SRP19: variants seen among roughly 807,000 people sequenced by gnomAD.
SRP19 encodes signal recognition particle 19 kDa protein.
SRP19 carries 11 observed loss-of-function variants against 22.4 expected under a neutral mutation model. The ratio of observed to expected loss-of-function variants is 0.49; its 90% CI spans 0.31 to 0.81. The LOEUF is 0.81. Among genes scored for constraint, SRP19 ranks in the 40% least tolerant of loss-of-function variants. The pLI is 0.05. For synonymous variants in SRP19, 61 were observed against 57.6 expected (o/e 1.06, Z -0.27); for missense variants, 168 against 175.9 (o/e 0.96, Z 0.25).
At position 112,888,896 on chromosome 5, in the gene SRP19, G is replaced by C. The variant is rs763045957; in HGVS notation, c.302-2707G>C. ...GCTCCCATAATTCTCATGTGTTGTG[G>C]AAAGGACAGGGTGAGAGATAACTGA... On this transcript the variant is annotated intron_variant, in intron 4 of 4. Coordinates refer to the SRP19 transcript ENST00000391338. 2.0e-5 allele frequency among the ~76,000 whole-genome samples: 3 copies of C among 150,744 alleles called. 1 individual carries two copies. The highest frequency in any genetic ancestry group is 4.4e-5 in the Non-Finnish European group (3 of 68,024).
At chr5:112,879,612 T>C (rs1311910317) in intron 4 of SRP19, among the ~76,000 whole-genome samples, 1 of 152,152 alleles carries the variant, frequency 6.6e-6, no homozygotes, top group Non-Finnish European at 1.5e-5. Context: ...TAGCTGGGAC[T>C]ACATGCACTC....
At chr5:112,873,838 T>A (rs1359020409), downstream of SRP19, among the ~76,000 whole-genome samples, 2 of 152,124 alleles carry the variant, frequency 1.3e-5, no homozygotes, top group African/African-American at 2.4e-5. Flanking sequence ...GTTGCTGGTT[T>A]TTAAGATAGA....
At chr5:112,888,798 AT>A (rs1768342674) in intron 4 of SRP19, among the ~76,000 whole-genome samples, 1 of 150,804 alleles carries the variant, frequency 6.6e-6, no homozygotes, top group Non-Finnish European at 1.5e-5. Context: ...AGGTGCAAGG[AT>A]TGCTTGGGCC....
chr5:112,893,031 G>C (rs539295887), exon 5 of SRP19: 4 of 1,504,090 alleles, frequency 2.7e-6, no homozygotes, highest in Non-Finnish European at 3.7e-6. Flanking sequence ...GTGGGAGGAG[G>C]AAGTCGGGTA....
Position 112,880,650 on chromosome 5 carries a change from CTT to C in SRP19, c.302-10952_302-10951del. On this transcript the variant is annotated intron_variant, in intron 4 of 4. Coordinates refer to the SRP19 transcript ENST00000391338. Reference sequence around the variant, plus strand: ...GTGGCAGCATGTAAATTCCTCCTAACTTATTTTAATTCTCTTGCCCCTATTTA... The same window carrying C: ...GTGGCAGCATGTAAATTCCTCCTAACATTTTAATTCTCTTGCCCCTATTTA... Among the ~76,000 whole-genome samples the C allele has an allele frequency of 2.0e-5, 3 of 152,288 alleles. No homozygotes were observed. In the South Asian group the frequency reaches 6.2e-4, roughly 32 times the overall value.
chr5:112,861,436 G>A lies in SRP19; in HGVS notation c.41+19G>A. 5.0e-6 allele frequency: 8 copies of A among 1,610,670 alleles called. No homozygotes were observed. The highest frequency in any genetic ancestry group is 6.8e-6 in the Non-Finnish European group (8 of 1,178,252). ...AGGACAGGTGGGTTCTGAGGCGGTG[G>A]GTCCTCCGAAAGGAAGGGGCTTGCT... is the stretch of plus-strand genomic sequence containing the variant. On this transcript the variant is annotated intron_variant, in intron 1 of 4. Transcript: ENST00000505459.
intron 4 of SRP19, among the ~76,000 whole-genome samples, chr5:112,883,379 A>G (rs568615759): frequency 1.3e-5 from 2 of 152,326 alleles, no homozygotes; most frequent in South Asian, 2.1e-4. Context: ...TGACCTGTTG[A>G]CAGCATGTAA....
At chr5:112,877,618 G>C (rs1056960211) in intron 4 of SRP19, 11 of 152,074 alleles carry the variant, frequency 7.2e-5, no homozygotes, top group Admixed American at 7.2e-4. Flanking sequence ...GACCTTAAAG[G>C]CCAGAGAAAA....
chr5:112,883,450 C>T (rs1191792148), intron 4 of SRP19, among the ~76,000 whole-genome samples: 1 of 152,122 alleles, frequency 6.6e-6, no homozygotes, highest in African/African-American at 2.4e-5. Context: ...CCAGGGATAC[C>T]ACACGCTCAT....
chr5:112,870,293 C>G (rs1217698060), downstream of SRP19, among the ~76,000 whole-genome samples: 1 of 151,992 alleles, frequency 6.6e-6, no homozygotes, highest in East Asian at 1.9e-4. Flanking sequence ...TCGGGACCAA[C>G]CTGGGCAACA....
At chr5:112,884,797 A>G (rs930892631) in intron 4 of SRP19, among the ~76,000 whole-genome samples, 1 of 148,750 alleles carries the variant, frequency 6.7e-6, no homozygotes, top group Non-Finnish European at 1.5e-5. Flanking sequence ...CCATCTTTCT[A>G]CTTGCTTTAT....
At chr5:112,878,848 T>G in intron 4 of SRP19, 1 of 1,613,982 alleles carries the variant, frequency 6.2e-7, no homozygotes, top group Non-Finnish European at 8.5e-7. Flanking sequence ...GTTTGTTTGT[T>G]AGGAGGGAAA....
At chr5:112,880,103 C>A (rs1019861063) in intron 4 of SRP19, among the ~76,000 whole-genome samples, 1 of 152,046 alleles carries the variant, frequency 6.6e-6, no homozygotes, top group Non-Finnish European at 1.5e-5. Context: ...GGTGACAAGA[C>A]ACTACATTCA....
Position 112,868,950 on chromosome 5 carries a change from C to G in SRP19, c.*1413C>G, listed in dbSNP as rs369953774. 1 of 151,814 alleles carries G rather than the reference C, an allele frequency of 6.6e-6. No individual in the cohort carries two copies. Among genetic ancestry groups the G allele is most frequent in the East Asian group, 1.9e-4 (1 of 5,170 alleles). The allele number at this position is 151,814 out of a possible 1,614,324, so 9.4% of individuals were successfully genotyped here. A position where few individuals can be genotyped will look rare whatever the true frequency, so the allele number is the denominator to read the frequency against. On this transcript the variant is annotated 3_prime_UTR_variant, in exon 5 of 5. Coordinates refer to ENST00000505459, the MANE Select transcript of SRP19 (RefSeq NM_003135.3). ...TTATAGTGAACATAATAGTATAAGA[C>G]TTAGTTTATATATTTGACTTACAAA...
At chr5:112,866,553 C>T (rs918850029) in intron 4 of SRP19, among the ~76,000 whole-genome samples, 3 of 152,102 alleles carry the variant, frequency 2.0e-5, no homozygotes, top group Admixed American at 6.6e-5. Context: ...CAGTCTCAAA[C>T]TCGTGGACAC....
downstream of SRP19, chr5:112,896,531 A>AAAAGAAAAAAG (rs1561653461): frequency 1.3e-5 from 2 of 152,032 alleles, no homozygotes; most frequent in African/African-American, 4.8e-5. Flanking sequence ...CCATCTCAAA[A>AAAAGAAAAAAG]AAAAGAAAAA....
At position 112,868,839 on chromosome 5, in the gene SRP19, T is replaced by C. The variant is rs1239911772; in HGVS notation, c.*1302T>C. On this transcript the variant is annotated 3_prime_UTR_variant, in exon 5 of 5. Coordinates refer to ENST00000505459, the MANE Select transcript of SRP19 (RefSeq NM_003135.3). ...AACTCCCAGGCTCAAGTGATCCTCC[T>C]GCCTCAACCTCCCAAAGTGCTGGGA... The C allele has an allele frequency of 6.6e-6, 1 of 151,608 alleles. No individual in the cohort carries two copies. Among genetic ancestry groups the C allele is most frequent in the African/African-American group, 2.4e-5 (1 of 41,278 alleles). The allele number at this position is 151,608 out of a possible 1,614,324, so 9.4% of individuals were successfully genotyped here.
intron 4 of SRP19, among the ~76,000 whole-genome samples, chr5:112,890,703 C>G (rs970392664): frequency 1.3e-5 from 2 of 150,378 alleles, no homozygotes; most frequent in Non-Finnish European, 2.9e-5. Context: ...AAGATATATA[C>G]AGATCTCTCA....
At position 112,864,732 on chromosome 5, in the gene SRP19, C is replaced by A. The variant is rs961917242; in HGVS notation, c.301C>A (p.Arg101Ser). 6 of 1,606,368 alleles carry A rather than the reference C, an allele frequency of 3.7e-6. No homozygotes were observed. Among genetic ancestry groups the A allele is most frequent in the East Asian group, 2.2e-5 (1 of 44,772 alleles). The stretch of plus-strand genomic sequence containing the variant: ...CCTCTGCCTTGTACAGTTCCCATCA[C>A]GTAAGCTTGTTTAAATGAATCAGTG... ...GSLCLVQFPS[R>S]KSVMLYAAEM... The change falls in exon 4 of 5, where the codon CGT (arginine) becomes AGT (serine). Residue 101 changes from arginine to serine, a missense_variant and splice_region_variant. Coordinates refer to ENST00000505459, the MANE Select transcript of SRP19 (RefSeq NM_003135.3).
Sources: gnomAD v4.1 joint callset for allele counts (sites outside exome capture counted in the v4.1 genomes callset) on GRCh38, gnomAD v4.1.1 for gene constraint, MANE v1.5 for transcripts, NCBI Gene and HGNC (gene_info 2026-07-23, HGNC 2026-07-21) for gene names.